LINGO2: variants seen among roughly 807,000 people sequenced by gnomAD.
LINGO2 encodes leucine rich repeat and Ig domain containing 2.
Under a neutral mutation model 30.6 loss-of-function variants are expected in LINGO2, and 14 were observed. That is an observed-to-expected ratio of 0.46 (90% CI 0.30 to 0.72). The LOEUF is 0.72. Among genes scored for constraint, LINGO2 ranks in the 30% least tolerant of loss-of-function variants. LINGO2 has a pLI of 0.07. For missense variants in LINGO2, 729 were observed against 751.7 expected, an observed-to-expected ratio of 0.97 and a Z score of 0.35; for synonymous variants, 317 against 288.5, an observed-to-expected ratio of 1.10 and a Z score of -1.00.
At chr9:28,173,719 G>A (rs1318392334) in intron 4 of LINGO2, among the ~76,000 whole-genome samples, 1 of 152,206 alleles carries the variant, frequency 6.6e-6, no homozygotes, top group African/African-American at 2.4e-5. Flanking sequence ...GTTTCACTGT[G>A]TGTATAATTA....
At chr9:28,349,966 A>G (rs2134437099) in intron 3 of LINGO2, among the ~76,000 whole-genome samples, 1 of 152,278 alleles carries the variant, frequency 6.6e-6, no homozygotes, top group South Asian at 2.1e-4. Flanking sequence ...TTTTGTCACC[A>G]CCAGGCCTAC....
chr9:28,461,481 T>A (rs1825080903), intron 2 of LINGO2, among the ~76,000 whole-genome samples: 1 of 152,186 alleles, frequency 6.6e-6, no homozygotes, highest in Admixed American at 6.5e-5. Context: ...TGGGCATGTA[T>A]TATTTTTTCT....
At chr9:28,080,177 A>C (rs1254281772) in intron 4 of LINGO2, among the ~76,000 whole-genome samples, 1 of 152,198 alleles carries the variant, frequency 6.6e-6, no homozygotes, top group Non-Finnish European at 1.5e-5. Flanking sequence ...TAGTAGCCAA[A>C]GTTGTCTCTT....
intron 4 of LINGO2, among the ~76,000 whole-genome samples, chr9:28,091,152 T>C (rs932033743): frequency 1.3e-5 from 2 of 152,174 alleles, no homozygotes; most frequent in African/African-American, 4.8e-5. Flanking sequence ...AGGTAATTTA[T>C]AGATTCAATG....
At chr9:29,044,278 T>C in the LINGO2 span, among the ~76,000 whole-genome samples, 1 of 151,952 alleles carries the variant, frequency 6.6e-6, no homozygotes, top group Non-Finnish European at 1.5e-5. Flanking sequence ...GTTGGAAGGG[T>C]AGGCATATGG....
the LINGO2 span, among the ~76,000 whole-genome samples, chr9:29,208,326 G>A: frequency 2.0e-4 from 30 of 151,904 alleles, no homozygotes; most frequent in African/African-American, 6.0e-4. Context: ...TTTCCTTGCC[G>A]CCTCTTTGTT....
At chr9:28,760,253 T>C in the LINGO2 span, among the ~76,000 whole-genome samples, 5 of 152,160 alleles carry the variant, frequency 3.3e-5, no homozygotes, top group East Asian at 3.9e-4. Flanking sequence ...TAATAATTAG[T>C]AAGTATAAAA....
At position 28,215,425 on chromosome 9, in the gene LINGO2, G is replaced by A. The variant is rs118025846; in HGVS notation, c.-87+79783C>T. ...AGAAGTCAAGAGGTAAAAATGTTGC[G>A]CATATAGCAGTGATAAATTGAAATC... is the stretch of plus-strand genomic sequence containing the variant. On this transcript the variant is annotated intron_variant, in intron 4 of 5. Coordinates refer to ENST00000379992, the Ensembl canonical transcript of LINGO2. 4.3e-3 allele frequency among the ~76,000 whole-genome samples: 658 copies of A among 151,806 alleles called. 3 individuals carry two copies. Among genetic ancestry groups the A allele is most frequent in the Non-Finnish European group, 7.2e-3 (487 of 67,772 alleles).
At chr9:28,990,183 A>G in the LINGO2 span, among the ~76,000 whole-genome samples, 1,287 of 152,148 alleles carry the variant, frequency 8.5e-3, 12 homozygotes, top group African/African-American at 0.029. Flanking sequence ...GATTAAAAAA[A>G]GGCACACCAG....
chr9:28,174,047 A>G (rs1002342880), intron 4 of LINGO2, among the ~76,000 whole-genome samples: 12 of 152,200 alleles, frequency 7.9e-5, no homozygotes, highest in African/African-American at 2.9e-4. Flanking sequence ...TGTAAAAGCA[A>G]TATTTTCTAA....
chr9:28,047,138 A>G (rs1177049719), intron 4 of LINGO2, among the ~76,000 whole-genome samples: 1 of 152,156 alleles, frequency 6.6e-6, no homozygotes, highest in Non-Finnish European at 1.5e-5. Context: ...TGACTCCACT[A>G]TGAAGGCTAG....
At chr9:28,015,699 C>A (rs1033167624) in intron 4 of LINGO2, among the ~76,000 whole-genome samples, 3 of 152,038 alleles carry the variant, frequency 2.0e-5, no homozygotes, top group Non-Finnish European at 4.4e-5. Flanking sequence ...GAATGTACAT[C>A]GTGACAAACT....
At chr9:28,858,735 A>T in the LINGO2 span, among the ~76,000 whole-genome samples, 17 of 152,212 alleles carry the variant, frequency 1.1e-4, no homozygotes, top group Non-Finnish European at 1.8e-4. Context: ...CAAAATGAGC[A>T]CATAAATATT....
chr9:28,551,033 G>C (rs1822252644), intron 1 of LINGO2, among the ~76,000 whole-genome samples: 2 of 151,780 alleles, frequency 1.3e-5, no homozygotes, highest in South Asian at 4.1e-4. Flanking sequence ...AATCTTCAGA[G>C]TATATTAACA....
At chr9:28,898,817 G>T in the LINGO2 span, among the ~76,000 whole-genome samples, 1 of 151,970 alleles carries the variant, frequency 6.6e-6, no homozygotes, top group Non-Finnish European at 1.5e-5. Context: ...ATAACTATAG[G>T]GTGCTAGGCT....
chr9:28,729,078 A>T, the LINGO2 span, among the ~76,000 whole-genome samples: 3 of 152,180 alleles, frequency 2.0e-5, no homozygotes, highest in Admixed American at 2.0e-4. Context: ...AGAGGAATTA[A>T]GTATCTCTTT....
chr9:29,101,886 G>A, the LINGO2 span, among the ~76,000 whole-genome samples: 2 of 151,858 alleles, frequency 1.3e-5, no homozygotes, highest in Non-Finnish European at 2.9e-5. Context: ...GTGCAGCCTG[G>A]CCCTTTGAGA....
chr9:27,980,630 T>C (rs1259515549), intron 5 of LINGO2, among the ~76,000 whole-genome samples: 1 of 151,934 alleles, frequency 6.6e-6, no homozygotes, highest in African/African-American at 2.4e-5. Flanking sequence ...TCAAGCCTAA[T>C]ATTCTCTTTT....
At chr9:28,705,725 T>C in the LINGO2 span, among the ~76,000 whole-genome samples, 1 of 152,158 alleles carries the variant, frequency 6.6e-6, no homozygotes, top group African/African-American at 2.4e-5. Flanking sequence ...CGCTGGACTA[T>C]TTTACTCTCA....
Sources: allele counts gnomAD v4.1 joint callset (sites outside exome capture counted in the v4.1 genomes callset), GRCh38; gene constraint gnomAD v4.1.1; transcripts MANE v1.5; gene names NCBI Gene and HGNC (gene_info 2026-07-23, HGNC 2026-07-21).